Variants in RGL3 observed in about 807,000 individuals in gnomAD.
RGL3 encodes the protein ral guanine nucleotide dissociation stimulator like 3.
A neutral mutation model predicts 90.6 loss-of-function variants in RGL3; 85 were observed. That is an observed-to-expected ratio of 0.94 (90% CI 0.79 to 1.12). The LOEUF is 1.12. Among genes scored for constraint, RGL3 ranks in the 50% most tolerant of loss-of-function variants. RGL3 has a pLI of 0.00. For missense variants in RGL3, 1,034 were observed against 939.2 expected, an observed-to-expected ratio of 1.10 and a Z score of -1.32; for synonymous variants, 408 against 385.5, an observed-to-expected ratio of 1.06 and a Z score of -0.68.
chr19:11,405,493 T>TC (rs1385331090), intron 7 of RGL3, 67 bp from the exon 8 acceptor site: 1 of 197,506 alleles, frequency 5.1e-6, no homozygotes, highest in African/African-American at 2.9e-5. Flanking sequence ...AACTTCTTCA[T>TC]CTTTTTTTTT....
intron 5 of RGL3, among the ~76,000 whole-genome samples, chr19:11,414,496 T>TATATATATATATATACACCTTC (rs1968951825): frequency 4.8e-5 from 3 of 62,062 alleles, no homozygotes; most frequent in African/African-American, 1.9e-4. Flanking sequence ...CCTTCATATA[T>TATATATATATATATACACCTTC]ATATATATAT....
intron 2 of RGL3, among the ~76,000 whole-genome samples, chr19:11,418,241 CCA>C (rs1185756751): frequency 1.5e-4 from 19 of 125,376 alleles, no homozygotes; most frequent in African/African-American, 4.6e-4. Context: ...TCCCCTCCCC[CCA>C]CCCCCCCGCC....
intron 18 of RGL3, among the ~76,000 whole-genome samples, chr19:11,395,881 C>A (rs559752926): frequency 1.3e-5 from 2 of 151,134 alleles, no homozygotes; most frequent in East Asian, 2.0e-4. Flanking sequence ...CCCGCCTCGG[C>A]CTCCCAAAGT....
chr19:11,400,641 C>G (rs1480301920), intron 13 of RGL3, among the ~76,000 whole-genome samples: 1 of 151,610 alleles, frequency 6.6e-6, no homozygotes, highest in East Asian at 1.9e-4. Flanking sequence ...TGCTTCGGGT[C>G]AAGAGTTCGA....
In RGL3 at chr19:11,394,237, G is replaced by A; in HGVS notation, c.*165C>T. 1.5e-6 allele frequency: 1 copy of A among 655,454 alleles called. No individual in the cohort carries two copies. Among genetic ancestry groups the A allele is most frequent in the Non-Finnish European group, 2.8e-6 (1 of 358,474 alleles). 40.6% of individuals were successfully genotyped at this position (655,454 alleles called of 1,614,324 possible). ...CTGATGTCTTTGGAATATGGATCTA[G>A]TACCAACAGAGTCAGAAAAAGAGAT... is the stretch of plus-strand genomic sequence containing the variant. On this transcript the variant is annotated 3_prime_UTR_variant, in exon 19 of 19. Transcript: ENST00000380456.
intron 9 of RGL3, among the ~76,000 whole-genome samples, chr19:11,404,791 A>G (rs929588194): frequency 2.0e-5 from 3 of 152,186 alleles, no homozygotes; most frequent in African/African-American, 4.8e-5. Context: ...TCTTGCCTAT[A>G]AATAAGCCAG....
At position 11,396,158 on chromosome 19, in the gene RGL3, ATTTTTTTTT is replaced by A. The variant is rs1169850022; in HGVS notation, c.2014+1077_2014+1085del. 7.5e-3 allele frequency among the ~76,000 whole-genome samples: 191 copies of A among 25,586 alleles called. 1 individual carries two copies. Among genetic ancestry groups the A allele is most frequent in the African/African-American group, 0.013 (79 of 6,300 alleles). 16.8% of individuals were successfully genotyped at this position (25,586 alleles called of 152,430 possible). ...TCTCTATATATATATATATATATAT[ATTTTTTTTT>A]TTTTTTTTTTTTTTTTTTTGAGACA... is the stretch of plus-strand genomic sequence containing the variant. On this transcript the variant is annotated intron_variant, in intron 18 of 18. Coordinates refer to ENST00000380456, the MANE Select transcript of RGL3 (RefSeq NM_001035223.4).
intron 5 of RGL3, among the ~76,000 whole-genome samples, chr19:11,408,312 T>C (rs1485302665): frequency 6.6e-6 from 1 of 152,184 alleles, no homozygotes; most frequent in Non-Finnish European, 1.5e-5. Flanking sequence ...CCGGGCGCTG[T>C]GGCTCACGCC....
chr19:11,411,667 G>A (rs1968877595), intron 5 of RGL3, among the ~76,000 whole-genome samples: 1 of 152,140 alleles, frequency 6.6e-6, no homozygotes. Context: ...TGTCACCTAG[G>A]CTGGAGTACA....
At chr19:11,417,430 G>A (rs143488933) in intron 2 of RGL3, among the ~76,000 whole-genome samples, 132 of 148,538 alleles carry the variant, frequency 8.9e-4, no homozygotes, top group African/African-American at 3.2e-3. Context: ...AAAGGGCTAG[G>A]ATTACAGGCG....
Position 11,406,647 on chromosome 19 carries a change from AGGGGTGT to A in RGL3, c.781-20_781-14del. ...TGGAGAAGAGCTCCTGGGCCAGGGG[AGGGGTGT>A]GGGATTGGTGCTTAGCAGAACCTGT... On this transcript the variant is annotated splice_polypyrimidine_tract_variant and intron_variant, in intron 6 of 18. Coordinates refer to ENST00000380456, the MANE Select transcript of RGL3 (RefSeq NM_001035223.4). 6.3e-7 allele frequency: 1 copy of A among 1,577,684 alleles called. No individual in the cohort carries two copies. The highest frequency in any genetic ancestry group is 1.3e-5 in the African/African-American group (1 of 74,210).
intron 5 of RGL3, among the ~76,000 whole-genome samples, chr19:11,409,498 A>AAAAC (rs1215739801): frequency 2.8e-5 from 4 of 140,684 alleles, no homozygotes; most frequent in East Asian, 2.3e-4. Flanking sequence ...AAAACAAAAC[A>AAAAC]AAACAAACAA....
intron 2 of RGL3, 171 bp downstream of exon 2, chr19:11,418,500 C>A (rs555148799): frequency 5.7e-5 from 34 of 595,484 alleles, no homozygotes; most frequent in South Asian, 4.0e-4. Flanking sequence ...GATCTCCCCC[C>A]ACTTACCTGG....
chr19:11,404,028 T>C (rs1968726433), intron 9 of RGL3, among the ~76,000 whole-genome samples: 1 of 152,098 alleles, frequency 6.6e-6, no homozygotes, highest in Non-Finnish European at 1.5e-5. Context: ...ACTACAGACG[T>C]GCACCACAAA....
At position 11,405,415 on chromosome 19, in the gene RGL3, T is replaced by G; in HGVS notation, c.1008A>C (p.Glu336Asp). Reference sequence around the variant, plus strand: ...CGCGCAAGGAGGAGAAGTTCCGCAGTTCTCGGCAGCGCTGCCAGGCGGTGG... The same window carrying G: ...CGCGCAAGGAGGAGAAGTTCCGCAGGTCTCGGCAGCGCTGCCAGGCGGTGG... The part of the protein sequence containing the change: ...KWIRIAQRCR[E>D]LRNFSSLRAI... The change falls in exon 8 of 19, where the codon GAA (glutamate) becomes GAC (aspartate). Residue 336 changes from glutamate to aspartate, a missense_variant. By Grantham distance (45) the Glu-to-Asp change is conservative. Transcript: ENST00000380456. The G allele has an allele frequency of 6.3e-7, 1 of 1,580,948 alleles. No homozygotes were observed. The highest frequency in any genetic ancestry group is 1.1e-5 in the South Asian group (1 of 88,550).
chr19:11,404,326 G>A (rs185081365), intron 9 of RGL3, among the ~76,000 whole-genome samples: 1 of 152,058 alleles, frequency 6.6e-6, no homozygotes, highest in East Asian at 2.0e-4. Context: ...TCAGGGATTC[G>A]AGACCAGCCT....
rs778391932 is a variant in RGL3, at chr19:11,401,998, A to G, written c.1484+13T>C. ...AGCTGGGGTGGGGCTGGGACAGGCT[A>G]CAGGGTGGTCACCTCTGCTCCTCGG... On this transcript the variant is annotated intron_variant, in intron 13 of 18. Transcript: ENST00000380456. The G allele has an allele frequency of 1.6e-5, 24 of 1,532,016 alleles. No individual in the cohort carries two copies. In the South Asian group the frequency reaches 2.1e-4, roughly 13 times the overall value. 94.9% of individuals were successfully genotyped at this position (1,532,016 alleles called of 1,614,324 possible).
rs369743821 is a variant in RGL3, at chr19:11,406,845, T to C, written c.657A>G (p.Gln219=). ...QVWTGPPRVA[Q]TSDPDSSEAC... is the part of the protein sequence containing the mutation. ...CCTCTGAAGAGTCTGGGTCAGAAGTTTGGGCAACTCTGGGAGGTCCTGATC... is the reference window on the plus strand; with the variant it reads ...CCTCTGAAGAGTCTGGGTCAGAAGTCTGGGCAACTCTGGGAGGTCCTGATC... The change falls in exon 6 of 19, where the codon CAA becomes CAG. Residue 219 remains glutamine, a synonymous_variant. Coordinates refer to ENST00000380456, the MANE Select transcript of RGL3 (RefSeq NM_001035223.4). 3.1e-6 allele frequency: 5 copies of C among 1,613,304 alleles called. No homozygotes were observed. Among genetic ancestry groups the C allele is most frequent in the African/African-American group, 2.7e-5 (2 of 74,884 alleles).
Position 11,396,130 on chromosome 19 carries a change from CTCTCTCTA to C in RGL3, c.2014+1106_2014+1113del, listed in dbSNP as rs1182245780. ...TCTCTCTCTCTCTCTCTCTCTCTCTCTCTCTCTATATATATATATATATATATATTTTT... is the reference window on the plus strand; with the variant it reads ...TCTCTCTCTCTCTCTCTCTCTCTCTCTATATATATATATATATATATTTTT... On this transcript the variant is annotated intron_variant, in intron 18 of 18. Coordinates refer to ENST00000380456, the MANE Select transcript of RGL3 (RefSeq NM_001035223.4). 1.1e-3 allele frequency among the ~76,000 whole-genome samples: 54 copies of C among 49,230 alleles called. 1 individual carries two copies. The highest frequency in any genetic ancestry group is 3.0e-3 in the African/African-American group (33 of 10,944). 32.3% of individuals were successfully genotyped at this position (49,230 alleles called of 152,430 possible).
Sources: gnomAD v4.1 joint callset for allele counts (sites outside exome capture counted in the v4.1 genomes callset) on GRCh38, gnomAD v4.1.1 for gene constraint, MANE v1.5 for transcripts, NCBI Gene and HGNC (gene_info 2026-07-23, HGNC 2026-07-21) for gene names.